Variants in SDF2L1 observed in about 807,000 individuals in gnomAD.
SDF2L1 encodes the protein stromal cell derived factor 2 like 1.
A neutral mutation model predicts 19.4 loss-of-function variants in SDF2L1; 18 were observed. That is an observed-to-expected ratio of 0.93 (90% confidence interval 0.64 to 1.38). The LOEUF (loss-of-function observed/expected upper bound fraction) is 1.38. Ranked by LOEUF, SDF2L1 falls within the 40% of genes most tolerant of loss-of-function variation. The probability of loss-of-function intolerance (pLI) is 0.00; values close to 1 mark genes in which losing one functional copy is unlikely to be tolerated. For missense variants in SDF2L1, 263 were observed against 319.4 expected, an observed-to-expected ratio of 0.82 and a Z score of 1.35; for synonymous variants, 161 against 148.9, an observed-to-expected ratio of 1.08 and a Z score of -0.59.
chr22:21,643,235 A>G, intron 2 of SDF2L1, 177 bp downstream of exon 2: 1 of 746,016 alleles, frequency 1.3e-6, no homozygotes, highest in Non-Finnish European at 2.1e-6. Context: ...TCCTGCCCTC[A>G]GGTGCTCCCG....
rs1204096388 is a variant in SDF2L1, at chr22:21,643,956, C to T, written c.447C>T (p.Cys149=). ...GDDLDLWTVR[C]SGQHWEREAA... is the part of the protein sequence containing the mutation. Reference sequence around the variant, plus strand: ...ACCTGGACCTATGGACAGTGCGCTGCTCTGGACAGCACTGGGAGCGTGAGG... The same window carrying T: ...ACCTGGACCTATGGACAGTGCGCTGTTCTGGACAGCACTGGGAGCGTGAGG... The change falls in exon 3 of 3, where the codon TGC becomes TGT. Residue 149 remains cysteine, a synonymous_variant. Transcript: ENST00000248958. 1.2e-6 allele frequency: 2 copies of T among 1,613,956 alleles called. No individual in the cohort carries two copies. The highest frequency in any genetic ancestry group is 3.3e-5 in the Admixed American group (2 of 59,990).
In SDF2L1 at chr22:21,642,852, C is replaced by G; in HGVS notation, c.188-10C>G. On this transcript the variant is annotated splice_polypyrimidine_tract_variant and intron_variant, in intron 1 of 2. Transcript: ENST00000248958. ...CGGAGACCCTGGGTGTGTGGGGTGT[C>G]ACTCCTCAGGCAGCGGCCAGCAATC... 6.3e-7 allele frequency: 1 copy of G among 1,587,856 alleles called. No individual in the cohort carries two copies. Among genetic ancestry groups the G allele is most frequent in the Non-Finnish European group, 8.6e-7 (1 of 1,169,334 alleles).
At position 21,642,601 on chromosome 22, in the gene SDF2L1, G is replaced by A. The variant is rs1261114757; in HGVS notation, c.187+78G>A. The A allele has an allele frequency of 2.7e-6, 4 of 1,465,890 alleles. No homozygotes were observed. The East Asian group carries it at 1.0e-4, about 37-fold the overall frequency. 90.8% of individuals were successfully genotyped at this position (1,465,890 alleles called of 1,614,324 possible). A position where few individuals can be genotyped will look rare whatever the true frequency, so the allele number is the denominator to read the frequency against. Reference sequence around the variant, plus strand: ...GAGTGTGGAGACAGGGTGGTCATGGGGGTCTGTGGGCCGTCTGGAAGCCGG... The same window carrying A: ...GAGTGTGGAGACAGGGTGGTCATGGAGGTCTGTGGGCCGTCTGGAAGCCGG... On this transcript the variant is annotated intron_variant, in intron 1 of 2. Coordinates refer to ENST00000248958, the MANE Select transcript of SDF2L1 (RefSeq NM_022044.3).
intron 1 of SDF2L1, 24 bp from the exon 2 acceptor site, chr22:21,642,838 G>A (rs937577913): frequency 6.3e-7 from 1 of 1,578,838 alleles, no homozygotes; most frequent in Admixed American, 1.8e-5. Flanking sequence ...GGAGACCCTG[G>A]GTGTGTGGGG....
Position 21,643,189 on chromosome 22 carries a change from C to T in SDF2L1, c.384+131C>T, listed in dbSNP as rs541797834. The T allele has an allele frequency of 3.4e-6, 4 of 1,177,766 alleles. No homozygotes were observed. In the South Asian group the frequency reaches 4.6e-5, roughly 14 times the overall value. The allele number at this position is 1,177,766 out of a possible 1,614,324, so 73.0% of individuals were successfully genotyped here. ...TTTCACTTCAGAGATGGTTACTGAGCGCCCCCTCGGGGGACACAGAGTAAC... is the reference window on the plus strand; with the variant it reads ...TTTCACTTCAGAGATGGTTACTGAGTGCCCCCTCGGGGGACACAGAGTAAC... On this transcript the variant is annotated intron_variant, in intron 2 of 2. Transcript: ENST00000248958.
Position 21,644,183 on chromosome 22 carries a change from G to T in SDF2L1, c.*8G>T, listed in dbSNP as rs199656398. ...GGTCACGATGAACTCTGAGTGTGTG[G>T]ATGGATGGGTGGATGGAGGGTGGCA... On this transcript the variant is annotated 3_prime_UTR_variant, in exon 3 of 3. Transcript: ENST00000248958. 1.2e-6 allele frequency: 2 copies of T among 1,610,630 alleles called. No individual in the cohort carries two copies. The highest frequency in any genetic ancestry group is 4.5e-5 in the East Asian group (2 of 44,758).
Position 21,643,202 on chromosome 22 carries a change from G to A in SDF2L1, c.384+144G>A, listed in dbSNP as rs569585371. 3.9e-6 allele frequency: 4 copies of A among 1,028,352 alleles called. No individual in the cohort carries two copies. The African/African-American group carries it at 4.9e-5, about 12-fold the overall frequency. The allele number at this position is 1,028,352 out of a possible 1,614,324, so 63.7% of individuals were successfully genotyped here. On this transcript the variant is annotated intron_variant, in intron 2 of 2. Transcript: ENST00000248958. ...ATGGTTACTGAGCGCCCCCTCGGGG[G>A]ACACAGAGTAACTCCGCCAGGATCC...
At chr22:21,643,115 C>T in intron 2 of SDF2L1, 57 bp downstream of exon 2, 1 of 1,529,910 alleles carries the variant, frequency 6.5e-7, no homozygotes, top group Non-Finnish European at 8.8e-7. Context: ...GGGCCAGAGA[C>T]AGAGCCCTGG....
intron 2 of SDF2L1, chr22:21,643,293 G>T: frequency 3.4e-6 from 2 of 590,970 alleles, no homozygotes; most frequent in Non-Finnish European, 5.9e-6. Context: ...GATACGCCTG[G>T]ATAGCTCTTC....
At chr22:21,643,779 C>A in intron 2 of SDF2L1, 115 bp from the exon 3 acceptor site, 2 of 1,097,736 alleles carry the variant, frequency 1.8e-6, no homozygotes, top group Non-Finnish European at 2.6e-6. Context: ...TCACCTTTTG[C>A]AGCTGTGGGA....
In SDF2L1 at chr22:21,642,344, G is replaced by T. The variant is rs962044529; in HGVS notation, c.8G>T (p.Ser3Ile). Residue 3 changes from serine to isoleucine, a missense_variant, in exon 1 of 3, where the codon AGC becomes ATC. Ser to Ile is a moderately radical substitution (Grantham distance 142). Coordinates refer to ENST00000248958, the MANE Select transcript of SDF2L1 (RefSeq NM_022044.3). ...TGGAGCCGGGCCGGGGCGATGTGGA[G>T]CGCGGGCCGCGGCGGGGCTGCCTGG... MW[S>I]AGRGGAAWPV... is the part of the protein sequence containing the mutation. 4 of 1,379,038 alleles carry T rather than the reference G, an allele frequency of 2.9e-6. No individual in the cohort carries two copies. Among genetic ancestry groups the T allele is most frequent in the Admixed American group, 4.0e-5 (1 of 25,132 alleles). The allele number at this position is 1,379,038 out of a possible 1,614,324, so 85.4% of individuals were successfully genotyped here. A position where few individuals can be genotyped will look rare whatever the true frequency, so the allele number is the denominator to read the frequency against.
Position 21,642,395 on chromosome 22 carries a change from C to A in SDF2L1, c.59C>A (p.Ala20Glu). 6.9e-7 allele frequency: 1 copy of A among 1,448,166 alleles called. No individual in the cohort carries two copies. The highest frequency in any genetic ancestry group is 9.0e-7 in the Non-Finnish European group (1 of 1,110,646). 89.7% of individuals were successfully genotyped at this position (1,448,166 alleles called of 1,614,324 possible). ...CCGGTGCTGTTGGGGCTGCTGCTGG[C>A]GCTGTTAGTGCCGGGCGGTGGTGCC... ...AWPVLLGLLL[A>E]LLVPGGGAAK... The change falls in exon 1 of 3, where the codon GCG (alanine) becomes GAG (glutamate). Residue 20 changes from alanine to glutamate, a missense_variant. Around this residue, in one of 3 missense-constraint regions of SDF2L1, gnomAD observed 56 missense variants for 45.3 expected, o/e 1.24. Transcript: ENST00000248958.
At chr22:21,643,178 T>C (rs1319793533) in intron 2 of SDF2L1, 120 bp downstream of exon 2, 2 of 1,268,226 alleles carry the variant, frequency 1.6e-6, no homozygotes, top group African/African-American at 3.0e-5. Context: ...ACTTCAGAGA[T>C]GGTTACTGAG....
intron 2 of SDF2L1, 119 bp downstream of exon 2, chr22:21,643,177 A>G (rs2066094734): frequency 7.9e-7 from 1 of 1,266,694 alleles, no homozygotes; most frequent in Non-Finnish European, 1.1e-6. Context: ...CACTTCAGAG[A>G]TGGTTACTGA....
chr22:21,643,201 G>A, intron 2 of SDF2L1, 143 bp downstream of exon 2: 1 of 1,038,964 alleles, frequency 9.6e-7, no homozygotes, highest in Non-Finnish European at 1.4e-6. Context: ...CCCCCTCGGG[G>A]GACACAGAGT....
intron 2 of SDF2L1, 137 bp downstream of exon 2, chr22:21,643,195 C>A (rs1216913315): frequency 2.7e-6 from 3 of 1,096,720 alleles, no homozygotes; most frequent in Non-Finnish European, 3.9e-6. Context: ...TGAGCGCCCC[C>A]TCGGGGGACA....
chr22:21,643,928 A>G lies in SDF2L1; in HGVS notation c.419A>G (p.Asp140Gly), dbSNP rs764896014. 1 of 1,613,738 alleles carries G rather than the reference A, an allele frequency of 6.2e-7. No individual in the cohort carries two copies. The highest frequency in any genetic ancestry group is 2.2e-5 in the East Asian group (1 of 44,872). ...VSAFGEDGEGDDLDLWTVRCS... is the reference protein window; with the variant it reads ...VSAFGEDGEGGDLDLWTVRCS... The stretch of plus-strand genomic sequence containing the variant: ...GCCTTTGGGGAAGACGGCGAGGGCG[A>G]CGACCTGGACCTATGGACAGTGCGC... The change falls in exon 3 of 3, where the codon GAC (aspartate) becomes GGC (glycine). Residue 140 changes from aspartate to glycine, a missense_variant. By Grantham distance (94) the Asp-to-Gly change is moderately conservative (BLOSUM62 -1). This residue lies in a region of SDF2L1 where 203 missense variants were observed against 256.9 expected (regional missense o/e 0.79). Transcript: ENST00000248958.
At chr22:21,643,850 G>T (rs562890906) in intron 2 of SDF2L1, 44 bp from the exon 3 acceptor site, 1 of 1,568,086 alleles carries the variant, frequency 6.4e-7, no homozygotes, top group Middle Eastern at 1.8e-4. Context: ...TGCGAATGCC[G>T]CCTTCTGTGG....
Position 21,642,355 on chromosome 22 carries a change from G to C in SDF2L1, c.19G>C (p.Gly7Arg). 3 of 1,393,346 alleles carry C rather than the reference G, an allele frequency of 2.2e-6. No individual in the cohort carries two copies. The highest frequency in any genetic ancestry group is 3.4e-5 in the South Asian group (2 of 59,286). 86.3% of individuals were successfully genotyped at this position (1,393,346 alleles called of 1,614,324 possible). A position where few individuals can be genotyped will look rare whatever the true frequency, so the allele number is the denominator to read the frequency against. Residue 7 changes from glycine to arginine, a missense_variant, in exon 1 of 3, where the codon GGC becomes CGC. By Grantham distance (125) the Gly-to-Arg change is moderately radical (BLOSUM62 -2). This residue lies in a region of SDF2L1 where 56 missense variants were observed against 45.3 expected (regional missense o/e 1.24). Transcript: ENST00000248958. MWSAGR[G>R]GAAWPVLLGL... ...CGGGGCGATGTGGAGCGCGGGCCGC[G>C]GCGGGGCTGCCTGGCCGGTGCTGTT...
Sources: allele counts gnomAD v4.1 joint callset, GRCh38; gene constraint gnomAD v4.1.1; regional missense constraint gnomAD v4.1.1; transcripts MANE v1.5; gene names NCBI Gene and HGNC (gene_info 2026-07-23, HGNC 2026-07-21).